The following MTMR14 variants were observed in gnomAD, a reference collection of about 807,000 sequenced individuals.
MTMR14 encodes the protein myotubularin related protein 14, also known as phosphatidylinositol-3,5-bisphosphate 3-phosphatase MTMR14.
In MTMR14, 48 loss-of-function variants were observed where a neutral mutation model predicts 86.3. That is an observed-to-expected ratio of 0.56 (90% confidence interval 0.44 to 0.71). MTMR14 has a LOEUF of 0.71. Among genes scored for constraint, MTMR14 ranks in the 30% least tolerant of loss-of-function variants. The pLI is 0.00. For missense variants in MTMR14, 780 were observed against 834.6 expected, an observed-to-expected ratio of 0.93 and a Z score of 0.81; for synonymous variants, 366 against 326.1, an observed-to-expected ratio of 1.12 and a Z score of -1.32.
chr3:9,674,080 A>G (rs1034798525), intron 7 of MTMR14, among the ~76,000 whole-genome samples: 2 of 151,970 alleles, frequency 1.3e-5, no homozygotes, highest in Non-Finnish European at 2.9e-5. Flanking sequence ...GTTTTCAGAC[A>G]TAGTTTCCAG....
chr3:9,701,959 A>C lies in MTMR14; in HGVS notation c.1939A>C (p.Ser647Arg), dbSNP rs1473906817. Residue 647 changes from serine (S) to arginine (R), a missense_variant, in exon 19 of 19, where the codon AGC becomes CGC. Physicochemically the swap from Ser to Arg is moderately radical, Grantham distance 110. Transcript: ENST00000296003. This position sits in a 1 kb window ranked among gnomAD's most constrained non-coding sequence, Gnocchi z 4.2. ...TGGTGTTGGACTCCGGAGCATCAGCAGCAATGCCTTGTGAAGAAGCCAGCC... is the reference window on the plus strand; with the variant it reads ...TGGTGTTGGACTCCGGAGCATCAGCCGCAATGCCTTGTGAAGAAGCCAGCC... The part of the protein sequence containing the change: ...ARGVGLRSIS[S>R]NAL The C allele has an allele frequency of 4.3e-6, 7 of 1,614,182 alleles. No individual in the cohort carries two copies. The highest frequency in any genetic ancestry group is 5.9e-6 in the Non-Finnish European group (7 of 1,180,036).
At position 9,690,215 on chromosome 3, in the gene MTMR14, G is replaced by A. The variant is rs1374481541; in HGVS notation, c.1613+72G>A. On this transcript the variant is annotated intron_variant, in intron 17 of 18. Coordinates refer to ENST00000296003, the MANE Select transcript of MTMR14 (RefSeq NM_001077525.3). ...CCTTAATAAGACTGGAGGGTCGGGG[G>A]CCAGCACCTGAGCTAGGGTCTCAAG... 10 of 1,530,934 alleles carry A rather than the reference G, an allele frequency of 6.5e-6. No individual in the cohort carries two copies. The South Asian group carries it at 8.0e-5, about 12-fold the overall frequency. 94.8% of individuals were successfully genotyped at this position (1,530,934 alleles called of 1,614,324 possible).
chr3:9,683,085 T>C, intron 9 of MTMR14, 93 bp from the exon 10 acceptor site: 2 of 1,176,914 alleles, frequency 1.7e-6, no homozygotes, highest in Non-Finnish European at 2.5e-6. Context: ...TGTGTAGTTG[T>C]TGCCCCAGAA....
intron 3 of MTMR14, among the ~76,000 whole-genome samples, chr3:9,665,791 C>T (rs899497489): frequency 1.3e-5 from 2 of 149,218 alleles, no homozygotes; most frequent in East Asian, 4.0e-4. Flanking sequence ...TGCAGTGGCG[C>T]GATCTCAGCT....
At chr3:9,687,937 G>A in intron 14 of MTMR14, 46 bp downstream of exon 14, 2 of 1,494,212 alleles carry the variant, frequency 1.3e-6, no homozygotes, top group Non-Finnish European at 1.8e-6. Context: ...GGCGCTCTGA[G>A]AAGGGCTGCT....
Position 9,653,601 on chromosome 3 carries a change from T to C in MTMR14, c.160-20T>C, listed in dbSNP as rs1311290957. ...GAACCCCAGAATTCTCTTTGTGTTC[T>C]GGTCTCCTTCTCTGTGCAGGTTGAG... On this transcript the variant is annotated intron_variant, in intron 1 of 18. Coordinates refer to ENST00000296003, the MANE Select transcript of MTMR14 (RefSeq NM_001077525.3). 24 of 1,613,956 alleles carry C rather than the reference T, an allele frequency of 1.5e-5. No homozygotes were observed. The highest frequency in any genetic ancestry group is 1.9e-5 in the Non-Finnish European group (23 of 1,180,018).
In MTMR14 at chr3:9,686,493, C is replaced by G. The variant is rs995495886; in HGVS notation, c.1164+1246C>G. ...CTTCAGGACCTTTCTGTTACCCCCC[C>G]CAGACAATCCAGACACTGATGCGTC... On this transcript the variant is annotated intron_variant, in intron 13 of 18. Transcript: ENST00000296003. 4.6e-5 allele frequency among the ~76,000 whole-genome samples: 7 copies of G among 152,180 alleles called. No individual in the cohort carries two copies. The East Asian group carries it at 7.7e-4, about 17-fold the overall frequency.
At position 9,687,950 on chromosome 3, in the gene MTMR14, C is replaced by T. The variant is rs530247666; in HGVS notation, c.1235+59C>T. 11 of 1,426,054 alleles carry T rather than the reference C, an allele frequency of 7.7e-6. No individual in the cohort carries two copies. The East Asian group carries it at 1.7e-4, about 22-fold the overall frequency. The allele number at this position is 1,426,054 out of a possible 1,614,324, so 88.3% of individuals were successfully genotyped here. A position where few individuals can be genotyped will look rare whatever the true frequency, so the allele number is the denominator to read the frequency against. On this transcript the variant is annotated intron_variant, in intron 14 of 18. Transcript: ENST00000296003. ...AGGGCGCTCTGAGAAGGGCTGCTCC[C>T]TGGGAGGCAAGAGGCTGACCACCTC...
rs2076454828 is a variant in MTMR14, at chr3:9,701,464, G to A, written c.1770-326G>A. The A allele has an allele frequency of 1.1e-5, 4 of 355,914 alleles. No individual in the cohort carries two copies. Among genetic ancestry groups the A allele is most frequent in the South Asian group, 9.3e-5 (4 of 42,816 alleles). 22.0% of individuals were successfully genotyped at this position (355,914 alleles called of 1,614,324 possible). A position where few individuals can be genotyped will look rare whatever the true frequency, so the allele number is the denominator to read the frequency against. On this transcript the variant is annotated intron_variant, in intron 18 of 18. Coordinates refer to ENST00000296003, the MANE Select transcript of MTMR14 (RefSeq NM_001077525.3). The surrounding 1 kb of genome is among the most constrained non-coding windows in gnomAD (Gnocchi z 4.2). ...GGTGGGAGGATGGCTTGAGGCTACA[G>A]TGAGCGCTGATTGTGTCACTGCATT...
In MTMR14 at chr3:9,680,661, C is replaced by T. The variant is rs569164294; in HGVS notation, c.898-2517C>T. ...GAGATCGAGACCATCGTGGCTAACA[C>T]AGTGAAACCCAATCTCTACTAAAAA... On this transcript the variant is annotated intron_variant, in intron 9 of 18. Coordinates refer to ENST00000296003, the MANE Select transcript of MTMR14 (RefSeq NM_001077525.3). Among the ~76,000 whole-genome samples the T allele has an allele frequency of 1.6e-3, 242 of 152,250 alleles. 1 individual carries two copies. Among genetic ancestry groups the T allele is most frequent in the African/African-American group, 5.6e-3 (234 of 41,536 alleles).
intron 9 of MTMR14, among the ~76,000 whole-genome samples, chr3:9,682,204 A>G (rs1398356806): frequency 6.6e-6 from 1 of 152,206 alleles, no homozygotes; most frequent in African/African-American, 2.4e-5. Context: ...GCACAGCACT[A>G]CAGCGCCTGT....
chr3:9,680,313 G>A (rs181188523), intron 9 of MTMR14, among the ~76,000 whole-genome samples: 2 of 152,288 alleles, frequency 1.3e-5, no homozygotes, highest in African/African-American at 4.8e-5. Context: ...GCCTAGCTCA[G>A]GCCACCACTG....
chr3:9,653,543 C>G (rs990688472), intron 1 of MTMR14, 78 bp from the exon 2 acceptor site: 2 of 1,588,352 alleles, frequency 1.3e-6, no homozygotes, highest in Admixed American at 1.7e-5. Flanking sequence ...CCAGTGACCT[C>G]TTAGGCCATG....
At chr3:9,678,111 G>T in intron 9 of MTMR14, 53 bp downstream of exon 9, 1 of 1,588,804 alleles carries the variant, frequency 6.3e-7, no homozygotes, top group South Asian at 1.1e-5. Context: ...GGTGACCAAG[G>T]AGACTCTTGA....
In MTMR14 at chr3:9,669,280, C is replaced by T. The variant is rs2048436458; in HGVS notation, c.494-152C>T. 1.4e-5 allele frequency: 9 copies of T among 663,186 alleles called. 1 individual carries two copies. In the South Asian group the frequency reaches 1.8e-4, roughly 13 times the overall value. 41.1% of individuals were successfully genotyped at this position (663,186 alleles called of 1,614,324 possible). ...GAGTTCACCTTAGAGGTGAAGACTA[C>T]CAGGCATATGGGGGCATACTGTGTC... is the stretch of plus-strand genomic sequence containing the variant. On this transcript the variant is annotated intron_variant, in intron 4 of 18. Transcript: ENST00000296003.
chr3:9,661,997 A>G (rs1260886575), intron 2 of MTMR14, among the ~76,000 whole-genome samples: 1 of 151,960 alleles, frequency 6.6e-6, no homozygotes. Context: ...CTGAGACAGG[A>G]GAATTGCTTG....
intron 2 of MTMR14, among the ~76,000 whole-genome samples, chr3:9,658,704 G>A (rs963455276): frequency 6.6e-6 from 1 of 152,170 alleles, no homozygotes; most frequent in Admixed American, 6.5e-5. Context: ...GGTAAGTGAG[G>A]ACTGAGTGAG....
intron 9 of MTMR14, among the ~76,000 whole-genome samples, chr3:9,681,715 G>A (rs548537524): frequency 5.9e-5 from 9 of 152,040 alleles, no homozygotes; most frequent in African/African-American, 1.7e-4. Context: ...ATATCTCCTC[G>A]GTCATCACTT....
In MTMR14 at chr3:9,653,761, GAA is replaced by G. The variant is rs753430052; in HGVS notation, c.302_303del (p.Lys101ArgfsTer4). ...FLEYESSEKE[K>X]DTFESTVQVS... ...TGGAGTATGAGAGTTCTGAGAAGGA[GAA>G]AGACACGTGAGCATCATGTGACCGT... is the stretch of plus-strand genomic sequence containing the variant. On this transcript the variant is annotated frameshift_variant, in exon 2 of 19. Transcript: ENST00000296003. LOFTEE classifies it high-confidence loss of function. 61 of 1,614,104 alleles carry G rather than the reference GAA, an allele frequency of 3.8e-5. No individual in the cohort carries two copies. Among genetic ancestry groups the G allele is most frequent in the Non-Finnish European group, 4.7e-5 (56 of 1,180,056 alleles).
Sources: allele counts gnomAD v4.1 joint callset (sites outside exome capture counted in the v4.1 genomes callset), GRCh38; gene constraint gnomAD v4.1.1; non-coding constraint Gnocchi (gnomAD v3.1); transcripts MANE v1.5; gene names NCBI Gene and HGNC (gene_info 2026-07-23, HGNC 2026-07-21).